NAA50: variants seen among roughly 807,000 people sequenced by gnomAD.
NAA50 encodes the protein N-alpha-acetyltransferase 50, NatE catalytic subunit, also known as N-alpha-acetyltransferase 50.
In NAA50, 7 loss-of-function variants were observed where a neutral mutation model predicts 20.7. That is an observed-to-expected ratio of 0.34 (90% CI 0.19 to 0.63). The LOEUF (loss-of-function observed/expected upper bound fraction) is 0.63, where lower values mean the gene tolerates loss of function less well. NAA50 is among the 30% of genes least tolerant of loss of function. The probability of loss-of-function intolerance (pLI) is 0.75; values close to 1 mark genes in which losing one functional copy is unlikely to be tolerated. For missense variants in NAA50, 111 were observed against 199.1 expected, an observed-to-expected ratio of 0.56 and a Z score of 2.66; for synonymous variants, 54 against 70.6, an observed-to-expected ratio of 0.77 and a Z score of 1.18.
intron 1 of NAA50, among the ~76,000 whole-genome samples, chr3:113,725,564 A>T (rs1479195253): frequency 6.6e-6 from 1 of 152,172 alleles, no homozygotes; most frequent in Non-Finnish European, 1.5e-5. Context: ...CCTGGAGTTC[A>T]AGACCAACCT....
chr3:113,733,827 T>C (rs1482650113), intron 1 of NAA50, among the ~76,000 whole-genome samples: 3 of 117,372 alleles, frequency 2.6e-5, no homozygotes, highest in African/African-American at 1.1e-4. Flanking sequence ...CACTCCAGCC[T>C]GGGTGACAGA....
At chr3:113,741,595 C>T (rs1215698323) in intron 1 of NAA50, among the ~76,000 whole-genome samples, 2 of 152,226 alleles carry the variant, frequency 1.3e-5, no homozygotes, top group African/African-American at 4.8e-5. Flanking sequence ...ACACTTCCCA[C>T]TCTACTGATC....
At chr3:113,729,634 A>G (rs1185776219) in intron 1 of NAA50, among the ~76,000 whole-genome samples, 4 of 151,412 alleles carry the variant, frequency 2.6e-5, no homozygotes, top group African/African-American at 7.3e-5. Context: ...AGCTCCGCCT[A>G]CGGGCTCAGG....
chr3:113,722,543 C>T (rs60723999), intron 4 of NAA50, among the ~76,000 whole-genome samples: 1 of 152,070 alleles, frequency 6.6e-6, no homozygotes, highest in East Asian at 1.9e-4. Context: ...TACAAATGAT[C>T]TACTACAATG....
intron 1 of NAA50, among the ~76,000 whole-genome samples, chr3:113,743,293 C>T (rs572677774): frequency 3.2e-4 from 49 of 152,256 alleles, no homozygotes; most frequent in Non-Finnish European, 4.3e-4. Flanking sequence ...TTGGGACTTC[C>T]GCAGTTTCCA....
Position 113,717,464 on chromosome 3 carries a change from G to A in NAA50, c.*4296C>T, listed in dbSNP as rs1428114517. 1 of 152,210 alleles carries A rather than the reference G, an allele frequency of 6.6e-6. No individual in the cohort carries two copies. Among genetic ancestry groups the A allele is most frequent in the Non-Finnish European group, 1.5e-5 (1 of 68,044 alleles). 9.4% of individuals were successfully genotyped at this position (152,210 alleles called of 1,614,324 possible). A position where few individuals can be genotyped will look rare whatever the true frequency, so the allele number is the denominator to read the frequency against. On this transcript the variant is annotated 3_prime_UTR_variant, in exon 5 of 5. Transcript: ENST00000240922. Reference sequence around the variant, plus strand: ...TAAATAATTCTCAATGTTCTACCAAGTTAACAACACACATTAAGAAATCTG... The same window carrying A: ...TAAATAATTCTCAATGTTCTACCAAATTAACAACACACATTAAGAAATCTG...
intron 1 of NAA50, among the ~76,000 whole-genome samples, chr3:113,727,441 T>C (rs760868309): frequency 2.6e-5 from 4 of 152,140 alleles, no homozygotes; most frequent in Non-Finnish European, 5.9e-5. Context: ...TAATACCAGG[T>C]ATTTCTTGAC....
chr3:113,739,659 A>G (rs2107994462), intron 1 of NAA50: 1 of 152,332 alleles, frequency 6.6e-6, no homozygotes, highest in East Asian at 1.9e-4. Flanking sequence ...AGACCAAGTG[A>G]CTGAATGGCA....
chr3:113,717,334 C>CAAAACA lies in NAA50; in HGVS notation c.*4420_*4425dup, dbSNP rs1188091673. On this transcript the variant is annotated 3_prime_UTR_variant, in exon 5 of 5. Transcript: ENST00000240922. ...GGGCGACAGAGCGAGACTCTGTCTC[C>CAAAACA]AAAACAAAAACAAAAACATTTTACC... 2.0e-5 allele frequency: 3 copies of CAAAACA among 151,882 alleles called. No individual in the cohort carries two copies. The highest frequency in any genetic ancestry group is 7.3e-5 in the African/African-American group (3 of 41,340). The allele number at this position is 151,882 out of a possible 1,614,324, so 9.4% of individuals were successfully genotyped here.
At chr3:113,725,164 G>C (rs531560206) in intron 1 of NAA50, among the ~76,000 whole-genome samples, 1 of 152,302 alleles carries the variant, frequency 6.6e-6, no homozygotes, top group East Asian at 1.9e-4. Context: ...TGCCTGCAGA[G>C]CTGTAAACAA....
chr3:113,726,928 G>A (rs1708206488), intron 1 of NAA50, among the ~76,000 whole-genome samples: 1 of 152,142 alleles, frequency 6.6e-6, no homozygotes, highest in Admixed American at 6.6e-5. Flanking sequence ...ACGAGTAGCT[G>A]AGGAAGGCAC....
chr3:113,730,571 A>T (rs956092642), intron 1 of NAA50, among the ~76,000 whole-genome samples: 11 of 152,210 alleles, frequency 7.2e-5, no homozygotes, highest in African/African-American at 2.7e-4. Flanking sequence ...ATACAATTTA[A>T]TTACTCCCAA....
Position 113,716,684 on chromosome 3 carries a change from A to C in NAA50, c.*5076T>G, listed in dbSNP as rs1303806995. On this transcript the variant is annotated 3_prime_UTR_variant, in exon 5 of 5. Coordinates refer to ENST00000240922, the MANE Select transcript of NAA50 (RefSeq NM_025146.4). ...ATGTGCTTTAATTTATACTGCTTAG[A>C]TCCTTTGAGTTCAGATGTCTTGAGT... 6.6e-6 allele frequency: 1 copy of C among 152,242 alleles called. No individual in the cohort carries two copies. Among genetic ancestry groups the C allele is most frequent in the Non-Finnish European group, 1.5e-5 (1 of 68,042 alleles). The allele number at this position is 152,242 out of a possible 1,614,324, so 9.4% of individuals were successfully genotyped here.
chr3:113,742,116 T>C (rs1190701731), intron 1 of NAA50, among the ~76,000 whole-genome samples: 1 of 152,214 alleles, frequency 6.6e-6, no homozygotes, highest in African/African-American at 2.4e-5. Context: ...TAAAATTCAC[T>C]ATCTCAATCA....
rs1258404818 is a variant in NAA50, at chr3:113,720,802, TCCTTTTAGGTA to T, written c.*947_*957del. ...TTTTGTGTCACAGCCCATCTAAGCT[TCCTTTTAGGTA>T]TTTTTTAGTATGTCCAAGAGAAAAC... On this transcript the variant is annotated 3_prime_UTR_variant, in exon 5 of 5. Transcript: ENST00000240922. 1 of 152,346 alleles carries T rather than the reference TCCTTTTAGGTA, an allele frequency of 6.6e-6. No individual in the cohort carries two copies. Among genetic ancestry groups the T allele is most frequent in the Non-Finnish European group, 1.5e-5 (1 of 68,022 alleles). 9.4% of individuals were successfully genotyped at this position (152,346 alleles called of 1,614,324 possible). A position where few individuals can be genotyped will look rare whatever the true frequency, so the allele number is the denominator to read the frequency against.
intron 1 of NAA50, among the ~76,000 whole-genome samples, chr3:113,729,950 A>G (rs576976274): frequency 3.5e-4 from 53 of 152,202 alleles, no homozygotes; most frequent in Admixed American, 3.3e-3. Flanking sequence ...GTGTGTGTAA[A>G]TAGCATATAG....
At chr3:113,741,359 T>A (rs1708412002) in intron 1 of NAA50, 1 of 217,544 alleles carries the variant, frequency 4.6e-6, no homozygotes, top group Non-Finnish European at 9.2e-6. Context: ...ACAATAAAAT[T>A]GTGCCATTAA....
At chr3:113,740,277 A>C (rs576349251) in intron 1 of NAA50, among the ~76,000 whole-genome samples, 12 of 152,364 alleles carry the variant, frequency 7.9e-5, no homozygotes, top group African/African-American at 2.9e-4. Flanking sequence ...TTCCTTAGAA[A>C]TATTTGATCT....
intron 1 of NAA50, among the ~76,000 whole-genome samples, chr3:113,734,318 A>AG (rs1236388182): frequency 1.3e-5 from 2 of 152,128 alleles, no homozygotes; most frequent in Non-Finnish European, 2.9e-5. Flanking sequence ...GAAGGGAGGG[A>AG]GGGGCAAGAG....
Sources: allele counts gnomAD v4.1 joint callset (sites outside exome capture counted in the v4.1 genomes callset), GRCh38; gene constraint gnomAD v4.1.1; transcripts MANE v1.5; gene names NCBI Gene and HGNC (gene_info 2026-07-23, HGNC 2026-07-21).